LINGO1: variants seen among roughly 807,000 people sequenced by gnomAD.
The protein encoded by LINGO1 is leucine-rich repeat and immunoglobulin-like domain-containing nogo receptor-interacting protein 1.
In LINGO1, 11 loss-of-function variants were observed where a neutral mutation model predicts 37.3. That is an observed-to-expected ratio of 0.29 (90% CI 0.19 to 0.49). The LOEUF (loss-of-function observed/expected upper bound fraction) is 0.49. Among genes scored for constraint, LINGO1 ranks in the 20% least tolerant of loss-of-function variants. The probability of loss-of-function intolerance (pLI) is 0.99; values close to 1 mark genes in which losing one functional copy is unlikely to be tolerated. For missense variants in LINGO1, 585 were observed against 878.2 expected, an observed-to-expected ratio of 0.67 and a Z score of 4.22; for synonymous variants, 387 against 403.0, an observed-to-expected ratio of 0.96 and a Z score of 0.48.
intron 1 of LINGO1, among the ~76,000 whole-genome samples, chr15:77,747,622 C>A (rs1418441437): frequency 1.3e-5 from 2 of 152,150 alleles, no homozygotes; most frequent in African/African-American, 4.8e-5. Flanking sequence ...AAAACACTGA[C>A]CTGCCTGCAA....
intron 3 of LINGO1, among the ~76,000 whole-genome samples, chr15:77,658,661 C>A (rs911976335): frequency 6.6e-6 from 1 of 152,236 alleles, no homozygotes; most frequent in African/African-American, 2.4e-5. Context: ...CCCCATTTGT[C>A]TGGGAATGTC....
In LINGO1 at chr15:77,766,308, A is replaced by AAAAAAAAC. The variant is rs1555539946; in HGVS notation, c.-257+20560_-257+20561insGTTTTTTT. Among the ~76,000 whole-genome samples the AAAAAAAAC allele has an allele frequency of 6.1e-4, 90 of 146,540 alleles. 2 individuals carry two copies. The highest frequency in any genetic ancestry group is 2.2e-3 in the African/African-American group (82 of 36,922). On this transcript the variant is annotated intron_variant, in intron 1 of 3. Transcript: ENST00000561686. ...AGGAGACCCTGTCTCAAAAAAAAAA[A>AAAAAAAAC]AAAAAAAAACACACAAACAGAGAGA... is the stretch of plus-strand genomic sequence containing the variant.
chr15:77,615,685 G>T lies in LINGO1; in HGVS notation c.222C>A (p.Arg74=). 6.2e-7 allele frequency: 1 copy of T among 1,604,682 alleles called. No homozygotes were observed. The highest frequency in any genetic ancestry group is 1.1e-5 in the South Asian group (1 of 90,110). The change falls in exon 2 of 2, where the codon CGC becomes CGA. Residue 74 remains arginine, a synonymous_variant. Coordinates refer to ENST00000355300, the MANE Select transcript of LINGO1 (RefSeq NM_032808.7). ...AVPEGIPTET[R]LLDLGKNRIK... ...TGCGGTTCTTGCCTAGGTCCAGCAG[G>T]CGCGTCTCGGTGGGGATGCCCTCGG... is the stretch of plus-strand genomic sequence containing the variant.
At chr15:77,737,421 AAGGGAGGAAGGGGAGGAAGGAG>A (rs1303195600) in intron 1 of LINGO1, among the ~76,000 whole-genome samples, 7 of 152,082 alleles carry the variant, frequency 4.6e-5, no homozygotes, top group African/African-American at 1.2e-4. Flanking sequence ...AGAAAGGAGA[AAGGGAGGAAGGGGAGGAAGGAG>A]AGGGAGGAAG....
intron 2 of LINGO1, among the ~76,000 whole-genome samples, chr15:77,701,881 C>T (rs1010582536): frequency 1.3e-5 from 2 of 152,174 alleles, no homozygotes; most frequent in South Asian, 4.1e-4. Context: ...AATTACTCAG[C>T]CTCAGGTATT....
chr15:77,805,595 C>T (rs1472371901), intron 1 of LINGO1, among the ~76,000 whole-genome samples: 1 of 152,130 alleles, frequency 6.6e-6, no homozygotes, highest in Non-Finnish European at 1.5e-5. Flanking sequence ...AGCAAGGGCA[C>T]TGTCTACTTA....
chr15:77,637,563 G>C (rs769233285), upstream of LINGO1, among the ~76,000 whole-genome samples: 18 of 152,114 alleles, frequency 1.2e-4, no homozygotes, highest in Non-Finnish European at 1.2e-4. This position sits in a 1 kb window ranked among gnomAD's most constrained non-coding sequence, Gnocchi z 4.6. Context: ...GTGGTGTGAG[G>C]GTCTCATGGC....
intron 1 of LINGO1, among the ~76,000 whole-genome samples, chr15:77,617,476 C>G (rs554364429): frequency 9.8e-5 from 15 of 152,334 alleles, no homozygotes; most frequent in African/African-American, 3.4e-4. Context: ...GCCCCTGGGG[C>G]TTTGCTGCTG....
chr15:77,639,098 G>C (rs138461904), upstream of LINGO1, among the ~76,000 whole-genome samples: 5 of 152,064 alleles, frequency 3.3e-5, no homozygotes, highest in African/African-American at 4.8e-5. Context: ...CCTTCCAATC[G>C]CCACTTGAGT....
chr15:77,796,982 G>A (rs7170767), intron 1 of LINGO1, among the ~76,000 whole-genome samples: 29,370 of 152,160 alleles, frequency 0.19, 3,001 homozygotes, highest in African/African-American at 0.25. Context: ...GATTATCGGC[G>A]GAGCCATCAT....
chr15:77,645,785 T>G (rs999957341), intron 3 of LINGO1, among the ~76,000 whole-genome samples: 6 of 152,240 alleles, frequency 3.9e-5, no homozygotes, highest in African/African-American at 1.4e-4. Context: ...GGAACTGAAG[T>G]GTAAACAGGA....
At chr15:77,656,817 G>A (rs1229473769) in intron 3 of LINGO1, among the ~76,000 whole-genome samples, 1 of 152,192 alleles carries the variant, frequency 6.6e-6, no homozygotes, top group Non-Finnish European at 1.5e-5. Context: ...GTGGAGGGAT[G>A]GGGAAAACAG....
At chr15:77,817,928 T>C (rs2141490568) in intron 1 of LINGO1, among the ~76,000 whole-genome samples, 1 of 152,336 alleles carries the variant, frequency 6.6e-6, no homozygotes, top group African/African-American at 2.4e-5. Context: ...GGTTTAAGCC[T>C]GAAAGCTGAT....
intron 2 of LINGO1, among the ~76,000 whole-genome samples, chr15:77,723,677 C>T (rs1270367049): frequency 6.6e-6 from 1 of 152,116 alleles, no homozygotes; most frequent in African/African-American, 2.4e-5. Context: ...GAGGGACTGC[C>T]CCCAGGCCTG....
In LINGO1 at chr15:77,794,634, C is replaced by A. The variant is rs545126134; in HGVS notation, c.-343+1305G>T. Among the ~76,000 whole-genome samples, 7 of 142,990 alleles carry A rather than the reference C, an allele frequency of 4.9e-5. 1 individual carries two copies. The South Asian group carries it at 1.5e-3, about 31-fold the overall frequency. 93.8% of individuals were successfully genotyped at this position (142,990 alleles called of 152,430 possible). A position where few individuals can be genotyped will look rare whatever the true frequency, so the allele number is the denominator to read the frequency against. On this transcript the variant is annotated intron_variant, in intron 2 of 5. Transcript: ENST00000562933. Reference sequence around the variant, plus strand: ...ACGGAGTCTCGCTCTGTCGCCCAGGCTGGAGTGCAGTGGCGTGATCTCGGC... The same window carrying A: ...ACGGAGTCTCGCTCTGTCGCCCAGGATGGAGTGCAGTGGCGTGATCTCGGC...
Position 77,614,925 on chromosome 15 carries a change from G to GCCAA in LINGO1, c.981_982insTTGG (p.Pro328LeufsTer86). On this transcript the variant is annotated frameshift_variant, in exon 2 of 2. Transcript: ENST00000355300. LOFTEE classifies it high-confidence loss of function. ...TAGTTGAGGCCGCGGAAGGCATAGG[G>GCCAA]CTCCACCACGGCCAGCTGCCCGCCC... The GCCAA allele has an allele frequency of 6.2e-7, 1 of 1,613,960 alleles. No individual in the cohort carries two copies.
chr15:77,794,277 C>CATATAT lies in LINGO1; in HGVS notation c.-343+1656_-343+1661dup, dbSNP rs777833274. On this transcript the variant is annotated intron_variant, in intron 2 of 5. Coordinates refer to the LINGO1 transcript ENST00000562933. Reference sequence around the variant, plus strand: ...GCCAACTAATTAGCAGAAACATATACATATATATATATGTATGTATATATA... The same window carrying CATATAT: ...GCCAACTAATTAGCAGAAACATATACATATATATATATATATATGTATGTATATATA... 3.8e-4 allele frequency among the ~76,000 whole-genome samples: 40 copies of CATATAT among 105,800 alleles called. 1 individual carries two copies. Among genetic ancestry groups the CATATAT allele is most frequent in the African/African-American group, 1.2e-3 (33 of 28,518 alleles). The allele number at this position is 105,800 out of a possible 152,430, so 69.4% of individuals were successfully genotyped here. A position where few individuals can be genotyped will look rare whatever the true frequency, so the allele number is the denominator to read the frequency against.
chr15:77,705,519 C>T (rs1447338502), intron 2 of LINGO1, among the ~76,000 whole-genome samples: 3 of 152,184 alleles, frequency 2.0e-5, no homozygotes, highest in Non-Finnish European at 2.9e-5. Flanking sequence ...GTGCCCCCAC[C>T]GCCCAGCTGG....
intron 1 of LINGO1, chr15:77,819,371 G>T (rs2077078035): frequency 6.6e-6 from 1 of 151,404 alleles, no homozygotes; most frequent in Non-Finnish European, 1.5e-5. Flanking sequence ...CGCTCCGCAG[G>T]GCTCGGCTCC....
Sources: gnomAD v4.1 joint callset for allele counts (sites outside exome capture counted in the v4.1 genomes callset) on GRCh38, gnomAD v4.1.1 for gene constraint, Gnocchi (gnomAD v3.1) non-coding constraint, MANE v1.5 for transcripts, NCBI Gene and HGNC (gene_info 2026-07-23, HGNC 2026-07-21) for gene names.